RNF111: variants seen among roughly 807,000 people sequenced by gnomAD.
RNF111 encodes the protein E3 ubiquitin-protein ligase Arkadia.
RNF111 carries 17 observed loss-of-function variants against 95.1 expected under a neutral mutation model. That is an observed-to-expected ratio of 0.18 (90% CI 0.12 to 0.27). RNF111 has a LOEUF of 0.27. RNF111 is among the 10% of genes least tolerant of loss of function. RNF111 has a pLI of 1.00. For missense variants in RNF111, 1,189 were observed against 1,210.4 expected, an observed-to-expected ratio of 0.98 and a Z score of 0.26; for synonymous variants, 440 against 414.8, an observed-to-expected ratio of 1.06 and a Z score of -0.74.
chr15:59,076,246 A>G (rs773590004), intron 7 of RNF111, 31 bp downstream of exon 7: 1 of 1,596,184 alleles, frequency 6.3e-7, no homozygotes, highest in East Asian at 2.2e-5. Flanking sequence ...CACAAAATCT[A>G]GAGTCATGTC....
intron 7 of RNF111, among the ~76,000 whole-genome samples, chr15:59,077,265 T>C (rs1308342351): frequency 6.6e-6 from 1 of 152,186 alleles, no homozygotes; most frequent in Non-Finnish European, 1.5e-5. Flanking sequence ...GCCCCTCCCC[T>C]TTAAAAATAA....
intron 7 of RNF111, among the ~76,000 whole-genome samples, chr15:59,078,808 G>A (rs2078648747): frequency 6.6e-6 from 1 of 150,948 alleles, no homozygotes; most frequent in Admixed American, 6.6e-5. Flanking sequence ...GCAGTGAGCT[G>A]AGATCACACC....
intron 7 of RNF111, among the ~76,000 whole-genome samples, chr15:59,078,185 A>G (rs1197513562): frequency 6.6e-6 from 1 of 152,170 alleles, no homozygotes; most frequent in Non-Finnish European, 1.5e-5. Context: ...ATTGGCTATA[A>G]ATTGTGATAC....
At chr15:59,013,993 A>G (rs1010417872) in intron 1 of RNF111, among the ~76,000 whole-genome samples, 3 of 151,864 alleles carry the variant, frequency 2.0e-5, no homozygotes, top group Non-Finnish European at 4.4e-5. Context: ...GTTTCACTAT[A>G]TTGCCCAGGC....
intron 1 of RNF111, among the ~76,000 whole-genome samples, chr15:59,018,248 C>G (rs2141621094): frequency 6.6e-6 from 1 of 152,250 alleles, no homozygotes; most frequent in Admixed American, 6.5e-5. Context: ...AACTAAAAAT[C>G]ATTTCTCACA....
chr15:59,068,483 G>A (rs1277301133), intron 6 of RNF111, among the ~76,000 whole-genome samples: 2 of 151,166 alleles, frequency 1.3e-5, no homozygotes, highest in African/African-American at 4.9e-5. Flanking sequence ...GTGTGTGCCT[G>A]TAGTCCCAGC....
intron 6 of RNF111, among the ~76,000 whole-genome samples, chr15:59,071,247 C>T (rs966415981): frequency 1.4e-5 from 2 of 146,312 alleles, no homozygotes; most frequent in South Asian, 2.1e-4. Flanking sequence ...TGCAGTGAGC[C>T]GAGATTGCAC....
At chr15:59,078,359 A>G (rs1184848873) in intron 7 of RNF111, among the ~76,000 whole-genome samples, 1 of 152,158 alleles carries the variant, frequency 6.6e-6, no homozygotes, top group Non-Finnish European at 1.5e-5. Flanking sequence ...AAGTTTTACT[A>G]TCTTATTAAT....
At chr15:59,057,170 A>T (rs1246944385) in intron 4 of RNF111, among the ~76,000 whole-genome samples, 2 of 152,218 alleles carry the variant, frequency 1.3e-5, no homozygotes, top group African/African-American at 4.8e-5. Flanking sequence ...TCTAATGGAT[A>T]GAGACCATGG....
intron 1 of RNF111, among the ~76,000 whole-genome samples, chr15:59,021,527 G>A (rs1369892685): frequency 6.6e-6 from 1 of 152,116 alleles, no homozygotes; most frequent in Non-Finnish European, 1.5e-5. Flanking sequence ...TCTTATGTAT[G>A]TACCTGCTCC....
intron 1 of RNF111, among the ~76,000 whole-genome samples, chr15:59,022,059 C>T (rs1320873998): frequency 6.6e-6 from 1 of 151,864 alleles, no homozygotes; most frequent in African/African-American, 2.4e-5. Context: ...GGGGTATCAC[C>T]ATGTTGGCCA....
chr15:59,053,609 T>A (rs1426447723), intron 3 of RNF111, among the ~76,000 whole-genome samples: 1 of 152,210 alleles, frequency 6.6e-6, no homozygotes, highest in African/African-American at 2.4e-5. Flanking sequence ...TAATTTTATA[T>A]TATTTTCCCC....
At chr15:59,085,525 G>A in intron 9 of RNF111, 134 bp from the exon 10 acceptor site, 1 of 707,452 alleles carries the variant, frequency 1.4e-6, no homozygotes, top group South Asian at 5.3e-5. Flanking sequence ...AATATTTTGG[G>A]CTAAATTATC....
intron 1 of RNF111, among the ~76,000 whole-genome samples, chr15:59,026,992 A>G (rs12907548): frequency 6.6e-6 from 1 of 151,966 alleles, no homozygotes; most frequent in Non-Finnish European, 1.5e-5. Context: ...AACCATAAAG[A>G]GTTGATTGCA....
intron 5 of RNF111, among the ~76,000 whole-genome samples, chr15:59,064,131 A>C (rs2042554061): frequency 6.6e-6 from 1 of 152,226 alleles, no homozygotes; most frequent in South Asian, 2.1e-4. Context: ...TCAGTTCCTG[A>C]TATGCTAGTT....
chr15:59,078,813 C>A (rs1467227192), intron 7 of RNF111, among the ~76,000 whole-genome samples: 4 of 150,176 alleles, frequency 2.7e-5, no homozygotes, highest in Non-Finnish European at 5.9e-5. Context: ...GAGCTGAGAT[C>A]ACACCACTGC....
In RNF111 at chr15:59,076,148, GCAGCCC is replaced by G. The variant is rs778253298; in HGVS notation, c.1895_1900del (p.Gln632_Pro633del). 4 of 1,613,830 alleles carry G rather than the reference GCAGCCC, an allele frequency of 2.5e-6. No individual in the cohort carries two copies. The highest frequency in any genetic ancestry group is 2.7e-5 in the African/African-American group (2 of 75,018). ...ATGGCTATGGATCAAGCATGGTTGC[GCAGCCC>G]CAGCCCCAGCCCCCTCCACAGCCCT... On this transcript the variant is annotated inframe_deletion, in exon 7 of 14. Transcript: ENST00000348370.
intron 1 of RNF111, chr15:58,988,393 T>C (rs1470549555): frequency 1.3e-5 from 2 of 152,362 alleles, no homozygotes; most frequent in Admixed American, 6.5e-5. Context: ...GATTTGACAA[T>C]GGAGTGATGA....
intron 1 of RNF111, among the ~76,000 whole-genome samples, chr15:59,008,052 G>C (rs549315126): frequency 6.6e-6 from 1 of 152,112 alleles, no homozygotes; most frequent in East Asian, 1.9e-4. Flanking sequence ...AGTACTTTCT[G>C]TATCCTGTGA....
Sources: allele counts gnomAD v4.1 joint callset (sites outside exome capture counted in the v4.1 genomes callset), GRCh38; gene constraint gnomAD v4.1.1; transcripts MANE v1.5; gene names NCBI Gene and HGNC (gene_info 2026-07-23, HGNC 2026-07-21).